SPMAP2: variants seen among roughly 807,000 people sequenced by gnomAD.
SPMAP2 encodes Theg homolog.
chr19:362,005 G>C, the SPMAP2 span: 1 of 425,430 alleles, frequency 2.4e-6, no homozygotes, highest in Admixed American at 4.4e-5. Context: ...GAAGGCGCTC[G>C]AGATGGTCAA....
the SPMAP2 span, chr19:373,443 G>A: frequency 6.2e-7 from 1 of 1,611,766 alleles, no homozygotes; most frequent in Middle Eastern, 1.7e-4. Context: ...GGGGGCAGGG[G>A]TCTCAGCAGG....
At chr19:365,400 A>G in the SPMAP2 span, among the ~76,000 whole-genome samples, 1 of 152,212 alleles carries the variant, frequency 6.6e-6, no homozygotes, top group African/African-American at 2.4e-5. Flanking sequence ...TTTAGTAGGC[A>G]TCTGGGCTTT....
the SPMAP2 span, chr19:375,883 G>A: frequency 3.9e-5 from 61 of 1,563,194 alleles, 1 homozygote; most frequent in Middle Eastern, 1.7e-4. Flanking sequence ...TGGAGGCCAC[G>A]GGGGTCGCCG....
At chr19:364,139 C>G in the SPMAP2 span, among the ~76,000 whole-genome samples, 1 of 150,494 alleles carries the variant, frequency 6.6e-6, no homozygotes, top group East Asian at 2.0e-4. Flanking sequence ...CGAGACCATC[C>G]TGGCTCACAC....
chr19:362,030 A>G, the SPMAP2 span: 301 of 461,058 alleles, frequency 6.5e-4, 2 homozygotes, highest in African/African-American at 5.4e-3. Context: ...AGTGACTCGG[A>G]AAATAAACAG....
At chr19:373,741 A>G in the SPMAP2 span, among the ~76,000 whole-genome samples, 2 of 151,938 alleles carry the variant, frequency 1.3e-5, no homozygotes, top group Non-Finnish European at 2.9e-5. Flanking sequence ...TAGCTGGGGG[A>G]GAAGCATAGC....
chr19:374,196 T>G, the SPMAP2 span: 9 of 1,553,840 alleles, frequency 5.8e-6, no homozygotes, highest in Admixed American at 7.0e-5. Flanking sequence ...TGGTGGCAGC[T>G]GGGGGAGGGG....
chr19:370,404 C>G, the SPMAP2 span, among the ~76,000 whole-genome samples: 18 of 151,362 alleles, frequency 1.2e-4, no homozygotes, highest in African/African-American at 3.9e-4. Flanking sequence ...GGCAGTGGCG[C>G]GATCTCGGCT....
the SPMAP2 span, chr19:372,692 G>A: frequency 8.1e-5 from 131 of 1,614,008 alleles, no homozygotes; most frequent in South Asian, 5.6e-4. Context: ...TCCACGCGGC[G>A]GGACACCGCT....
chr19:374,644 A>T, the SPMAP2 span: 1 of 581,930 alleles, frequency 1.7e-6, no homozygotes, highest in Non-Finnish European at 3.0e-6. Flanking sequence ...CGTCCAGGTC[A>T]CCTGTCTCCC....
At chr19:373,647 A>AG in the SPMAP2 span, 15 of 878,084 alleles carry the variant, frequency 1.7e-5, no homozygotes, top group Non-Finnish European at 2.3e-5. Context: ...TTGCTGGGAG[A>AG]GGGGGTAGGC....
At chr19:373,956 G>A in the SPMAP2 span, 1 of 1,613,616 alleles carries the variant, frequency 6.2e-7, no homozygotes, top group Non-Finnish European at 8.5e-7. Flanking sequence ...AGACAGAAGT[G>A]CAAGCTCATC....
the SPMAP2 span, chr19:375,903 C>G: frequency 1.1e-5 from 16 of 1,513,496 alleles, no homozygotes; most frequent in African/African-American, 2.0e-4. Flanking sequence ...GTCCTGCTCC[C>G]TTTCCGACCT....
At chr19:368,354 C>A in the SPMAP2 span, among the ~76,000 whole-genome samples, 4 of 152,122 alleles carry the variant, frequency 2.6e-5, no homozygotes, top group African/African-American at 9.7e-5. The surrounding 1 kb of genome is among the most constrained non-coding windows in gnomAD (Gnocchi z 4.1). Flanking sequence ...CAGGCTTGCT[C>A]CCGTACACGT....
chr19:363,966 A>T, the SPMAP2 span, among the ~76,000 whole-genome samples: 1 of 152,198 alleles, frequency 6.6e-6, no homozygotes, highest in South Asian at 2.1e-4. Flanking sequence ...CCTCGCAAGT[A>T]GCTGGGGCTA....
the SPMAP2 span, among the ~76,000 whole-genome samples, chr19:362,808 G>A: frequency 7.0e-6 from 1 of 142,874 alleles, no homozygotes; most frequent in Admixed American, 6.9e-5. Context: ...CCATTCAAAC[G>A]GCCTGCTCAT....
At chr19:364,262 G>A in the SPMAP2 span, among the ~76,000 whole-genome samples, 10 of 149,146 alleles carry the variant, frequency 6.7e-5, no homozygotes, top group Admixed American at 1.3e-4. Context: ...GCGTGAACCC[G>A]GGAGGCGGAG....
chr19:362,055 G>C, the SPMAP2 span: 1 of 511,640 alleles, frequency 2.0e-6, no homozygotes, highest in Non-Finnish European at 3.3e-6. Flanking sequence ...ACAAGTCGCA[G>C]GTTGGATGCA....
the SPMAP2 span, chr19:362,262 T>C: frequency 3.8e-6 from 6 of 1,587,304 alleles, no homozygotes; most frequent in South Asian, 1.2e-5. Flanking sequence ...GGCAAGCTCA[T>C]AGAGGCGAGG....
Sources: gnomAD v4.1 joint callset for allele counts (sites outside exome capture counted in the v4.1 genomes callset) on GRCh38, gnomAD v4.1.1 for gene constraint, Gnocchi (gnomAD v3.1) non-coding constraint, MANE v1.5 for transcripts, NCBI Gene and HGNC (gene_info 2026-07-23, HGNC 2026-07-21) for gene names.